Variants in HMCN1 observed in about 807,000 individuals in gnomAD.
The protein encoded by HMCN1 is hemicentin 1.
Under a neutral mutation model 625.9 loss-of-function variants are expected in HMCN1, and 321 were observed. That is an observed-to-expected ratio of 0.51 (90% CI 0.47 to 0.56). HMCN1 has a LOEUF of 0.56. Among genes scored for constraint, HMCN1 ranks in the 20% least tolerant of loss-of-function variants. HMCN1 has a pLI of 0.00. For missense variants in HMCN1, 6,588 were observed against 6,887.3 expected (o/e 0.96, Z 1.54); for synonymous variants, 2,425 against 2,417.6 (o/e 1.00, Z -0.09).
At chr1:185,807,353 C>T (rs73070592) in intron 1 of HMCN1, among the ~76,000 whole-genome samples, 4,660 of 152,188 alleles carry the variant, frequency 0.031, 256 homozygotes, top group African/African-American at 0.11. Context: ...GTTATACAGC[C>T]TACATAGTTC....
rs1663163440 is a variant in HMCN1, at chr1:185,865,912, A to T, written c.621+49A>T. On this transcript the variant is annotated intron_variant, in intron 4 of 106. Coordinates refer to ENST00000271588, the MANE Select transcript of HMCN1 (RefSeq NM_031935.3). Reference sequence around the variant, plus strand: ...CTTTATTACCAGCTGCCTTATCAAAATCAGTTAGGCCAGCCTAATTATGAC... The same window carrying T: ...CTTTATTACCAGCTGCCTTATCAAATTCAGTTAGGCCAGCCTAATTATGAC... 6.3e-6 allele frequency: 10 copies of T among 1,594,308 alleles called. No homozygotes were observed. The Admixed American group carries it at 6.7e-5, about 11-fold the overall frequency.
intron 1 of HMCN1, among the ~76,000 whole-genome samples, chr1:185,841,030 CTG>C (rs1661443586): frequency 6.6e-6 from 1 of 152,100 alleles, no homozygotes; most frequent in Admixed American, 6.6e-5. Flanking sequence ...AAGTGAGAGG[CTG>C]GATATTGATC....
intron 28 of HMCN1, 137 bp downstream of exon 28, chr1:186,001,878 T>C (rs1653226485): frequency 6.5e-6 from 5 of 764,124 alleles, no homozygotes; most frequent in Admixed American, 2.7e-5. Flanking sequence ...TTTTTGTCCT[T>C]ATTATTTGTT....
At chr1:186,141,346 G>T (rs934893957) in intron 89 of HMCN1, among the ~76,000 whole-genome samples, 1 of 151,908 alleles carries the variant, frequency 6.6e-6, no homozygotes. Context: ...TCCTAGAATA[G>T]GTTAGTGGAG....
At chr1:186,087,395 G>A (rs1282371413) in intron 59 of HMCN1, 48 bp from the exon 60 acceptor site, 5 of 1,601,240 alleles carry the variant, frequency 3.1e-6, no homozygotes, top group Non-Finnish European at 4.3e-6. Context: ...TTTTCTATCT[G>A]AGCACCTTAA....
intron 1 of HMCN1, among the ~76,000 whole-genome samples, chr1:185,802,168 A>G (rs1375857499): frequency 1.3e-5 from 2 of 152,148 alleles, no homozygotes; most frequent in African/African-American, 4.8e-5. Flanking sequence ...GAGGCTAGGC[A>G]TGGGGTGAAT....
At chr1:185,910,252 C>G (rs1459919727) in intron 5 of HMCN1, among the ~76,000 whole-genome samples, 1 of 151,986 alleles carries the variant, frequency 6.6e-6, no homozygotes, top group East Asian at 1.9e-4. Flanking sequence ...ACTTAAATAA[C>G]TAATTTCCAA....
At chr1:185,803,205 C>CAAAAAAAAAAAAAAAAACA (rs1658923421) in intron 1 of HMCN1, among the ~76,000 whole-genome samples, 1 of 58,756 alleles carries the variant, frequency 1.7e-5, no homozygotes, top group Non-Finnish European at 4.2e-5. Flanking sequence ...AAAAAAAAAG[C>CAAAAAAAAAAAAAAAAACA]AAAAAAAAAA....
rs1666433946 is a variant in HMCN1, at chr1:185,911,739, G to T, written c.859G>T (p.Val287Leu). Reference protein sequence around the residue: ...LLNIHNSAKVVNVKEPEAGMW... With the variant: ...LLNIHNSAKVLNVKEPEAGMW... ...AAATATCCATAACTCTGCCAAAGTA[G>T]TGAATGTGAAAGAGCCAGAGGCTGG... The change falls in exon 6 of 107, where the codon GTG becomes TTG. Residue 287 changes from valine (V) to leucine (L), a missense_variant. Val to Leu is a conservative substitution (Grantham distance 32, BLOSUM62 1). Coordinates refer to ENST00000271588, the MANE Select transcript of HMCN1 (RefSeq NM_031935.3). 6.2e-7 allele frequency: 1 copy of T among 1,613,534 alleles called. No homozygotes were observed. The highest frequency in any genetic ancestry group is 8.5e-7 in the Non-Finnish European group (1 of 1,179,568).
chr1:186,057,068 G>A (rs1657382079), intron 45 of HMCN1, among the ~76,000 whole-genome samples, 166 bp from the exon 46 acceptor site: 1 of 140,710 alleles, frequency 7.1e-6, no homozygotes, highest in Non-Finnish European at 1.5e-5. Context: ...CACACACACA[G>A]CTGGTTGTTG....
In HMCN1 at chr1:185,996,802, G is replaced by T. The variant is rs564835782; in HGVS notation, c.3779-627G>T. ...TTTCTTCATGAAATGAATGGATGAT[G>T]GAGCTGTTCAGAGACATGGGATGCA... On this transcript the variant is annotated intron_variant, in intron 24 of 106. Coordinates refer to ENST00000271588, the MANE Select transcript of HMCN1 (RefSeq NM_031935.3). Among the ~76,000 whole-genome samples, 54 of 152,256 alleles carry T rather than the reference G, an allele frequency of 3.5e-4. No homozygotes were observed. In the South Asian group the frequency reaches 5.4e-3, roughly 15 times the overall value.
intron 20 of HMCN1, among the ~76,000 whole-genome samples, chr1:185,987,873 A>G (rs993270238): frequency 6.6e-6 from 1 of 151,808 alleles, no homozygotes; most frequent in African/African-American, 2.4e-5. Context: ...AAAAAAAAAC[A>G]AAAAACTTAA....
rs1653182353 is a variant in HMCN1 at position 186,001,337 on chromosome 1, T to A, written c.4109T>A (p.Val1370Glu). Residue 1370 changes from valine to glutamate, a missense_variant, in exon 27 of 107, where the codon GTG (valine) becomes GAG (glutamate). Physicochemically the swap from Val to Glu is moderately radical, Grantham distance 121. Around this residue, in one of 3 missense-constraint regions of HMCN1, gnomAD observed 4,628 missense variants for 4,853.1 expected, o/e 0.95. Coordinates refer to ENST00000271588, the MANE Select transcript of HMCN1 (RefSeq NM_031935.3). ...AAAGATAAAGAACAAGTTACAAATGTGTCGGTGTTGTTAAATCAGCTGACC... is the reference window on the plus strand; with the variant it reads ...AAAGATAAAGAACAAGTTACAAATGAGTCGGTGTTGTTAAATCAGCTGACC... ...VIKDKEQVTNVSVLLNQLTNL... is the reference protein window; with the variant it reads ...VIKDKEQVTNESVLLNQLTNL... 1 of 1,611,904 alleles carries A rather than the reference T, an allele frequency of 6.2e-7. No individual in the cohort carries two copies. Among genetic ancestry groups the A allele is most frequent in the Non-Finnish European group, 8.5e-7 (1 of 1,178,514 alleles).
intron 93 of HMCN1, 59 bp from the exon 94 acceptor site, chr1:186,151,141 C>T (rs994934159): frequency 6.4e-7 from 1 of 1,558,914 alleles, no homozygotes; most frequent in Non-Finnish European, 8.8e-7. Context: ...CTCTTTTCTC[C>T]CATGTAATGT....
At chr1:186,152,213 C>G (rs1165361538) in intron 95 of HMCN1, among the ~76,000 whole-genome samples, 1 of 152,192 alleles carries the variant, frequency 6.6e-6, no homozygotes, top group Non-Finnish European at 1.5e-5. Flanking sequence ...ATGACCCTTT[C>G]CATGTACATA....
chr1:185,802,602 C>T (rs1658872438), intron 1 of HMCN1, among the ~76,000 whole-genome samples: 1 of 152,038 alleles, frequency 6.6e-6, no homozygotes, highest in African/African-American at 2.4e-5. Flanking sequence ...ATATCAAGGC[C>T]ACCAAGGAAA....
intron 11 of HMCN1, 138 bp from the exon 12 acceptor site, chr1:185,962,380 A>G (rs1650086330): frequency 4.1e-6 from 3 of 736,428 alleles, no homozygotes; most frequent in African/African-American, 1.7e-5. Context: ...CTTTCCTGCC[A>G]TATCTGTGAT....
At chr1:185,777,252 CT>C (rs1210587826) in intron 1 of HMCN1, among the ~76,000 whole-genome samples, 1 of 152,144 alleles carries the variant, frequency 6.6e-6, no homozygotes, top group Non-Finnish European at 1.5e-5. Flanking sequence ...CCATCTTCCC[CT>C]GTTCGAAGGC....
rs781554552 is a variant in HMCN1, at chr1:186,123,133, G to C, written c.12412G>C (p.Val4138Leu). ...LSSGSLQIAFVQPGDAGHYTC... is the reference protein window; with the variant it reads ...LSSGSLQIAFLQPGDAGHYTC... The stretch of plus-strand genomic sequence containing the variant: ...CTCTGGCTCTCTGCAAATAGCATTT[G>C]TCCAGCCTGGTGATGCTGGCCATTA... The change falls in exon 81 of 107, where the codon GTC becomes CTC. Residue 4138 changes from valine (V) to leucine (L), a missense_variant. Physicochemically the swap from Val to Leu is conservative, Grantham distance 32 (BLOSUM62 1). Transcript: ENST00000271588. 2.1e-5 allele frequency: 34 copies of C among 1,613,932 alleles called. No individual in the cohort carries two copies. Among genetic ancestry groups the C allele is most frequent in the Non-Finnish European group, 2.6e-5 (31 of 1,179,986 alleles).
Sources: gnomAD v4.1 joint callset for allele counts (sites outside exome capture counted in the v4.1 genomes callset) on GRCh38, gnomAD v4.1.1 for gene constraint, gnomAD v4.1.1 regional missense constraint, MANE v1.5 for transcripts, NCBI Gene and HGNC (gene_info 2026-07-23, HGNC 2026-07-21) for gene names.